Variants in UBQLN1 observed in about 807,000 individuals in gnomAD.
UBQLN1 encodes ubiquilin-1.
UBQLN1 carries 13 observed loss-of-function variants against 65.4 expected under a neutral mutation model. That is an observed-to-expected ratio of 0.20 (90% CI 0.13 to 0.32). The LOEUF (loss-of-function observed/expected upper bound fraction) is 0.32. Among genes scored for constraint, UBQLN1 ranks in the 10% least tolerant of loss-of-function variants. The pLI, the probability that UBQLN1 is intolerant of heterozygous loss-of-function variation, is 1.00. For synonymous variants in UBQLN1, 267 were observed against 247.8 expected, an observed-to-expected ratio of 1.08 and a Z score of -0.73; for missense variants, 561 against 724.0, an observed-to-expected ratio of 0.77 and a Z score of 2.58.
chr9:83,678,740 G>T, intron 4 of UBQLN1, 141 bp from the exon 5 acceptor site: 1 of 929,108 alleles, frequency 1.1e-6, no homozygotes, highest in Non-Finnish European at 1.6e-6. Flanking sequence ...TTTTTGAGAC[G>T]GAGTCTTGCT....
At chr9:83,670,609 G>A (rs1831713590) in intron 6 of UBQLN1, among the ~76,000 whole-genome samples, 1 of 152,178 alleles carries the variant, frequency 6.6e-6, no homozygotes, top group Non-Finnish European at 1.5e-5. Context: ...CAGTGAGTCA[G>A]CTGGTGGTCG....
At chr9:83,672,154 T>C (rs1407922217) in intron 6 of UBQLN1, among the ~76,000 whole-genome samples, 2 of 152,250 alleles carry the variant, frequency 1.3e-5, no homozygotes, top group African/African-American at 4.8e-5. Flanking sequence ...GATTAGGCTT[T>C]GGCTTAAGGG....
chr9:83,692,943 A>C (rs575474727), intron 1 of UBQLN1, among the ~76,000 whole-genome samples: 2 of 152,324 alleles, frequency 1.3e-5, no homozygotes, highest in East Asian at 3.9e-4. Flanking sequence ...TTTCCATTAA[A>C]AAGATTACCT....
Position 83,707,659 on chromosome 9 carries a change from G to A in UBQLN1, c.21C>T (p.Ser7=), listed in dbSNP as rs1832438712. Residue 7 remains serine (S), a synonymous_variant, in exon 1 of 11, where the codon AGC becomes AGT. Transcript: ENST00000376395. Reference sequence around the variant, plus strand: ...TATCCTGGGAGCCCGGAGGACCGCCGCTTTCACCACTCTCGGCCATGGCTG... The same window carrying A: ...TATCCTGGGAGCCCGGAGGACCGCCACTTTCACCACTCTCGGCCATGGCTG... MAESGE[S]GGPPGSQDSA... is the part of the protein sequence containing the mutation. The A allele has an allele frequency of 3.2e-6, 5 of 1,557,564 alleles. No homozygotes were observed. The highest frequency in any genetic ancestry group is 1.4e-5 in the African/African-American group (1 of 73,078).
intron 2 of UBQLN1, among the ~76,000 whole-genome samples, chr9:83,684,323 T>A (rs1373560257): frequency 6.6e-6 from 1 of 151,568 alleles, no homozygotes; most frequent in African/African-American, 2.4e-5. Context: ...GCCTCCCGAG[T>A]AGCTGGGACT....
intron 1 of UBQLN1, among the ~76,000 whole-genome samples, chr9:83,706,939 T>C (rs1832418797): frequency 6.6e-6 from 1 of 151,630 alleles, no homozygotes; most frequent in Admixed American, 6.5e-5. Context: ...AAACAGTTTC[T>C]ACGTCATAAT....
At chr9:83,695,700 T>G (rs1188243890) in intron 1 of UBQLN1, among the ~76,000 whole-genome samples, 1 of 152,168 alleles carries the variant, frequency 6.6e-6, no homozygotes, top group Admixed American at 6.6e-5. Context: ...TGTTGCCATA[T>G]CTACAGGACA....
At chr9:83,681,461 T>C (rs1011727975) in intron 3 of UBQLN1, among the ~76,000 whole-genome samples, 1 of 152,142 alleles carries the variant, frequency 6.6e-6, no homozygotes, top group Non-Finnish European at 1.5e-5. Flanking sequence ...GTAAAGAATA[T>C]TCACAGGATA....
intron 7 of UBQLN1, chr9:83,668,671 G>T: frequency 1.0e-6 from 1 of 976,312 alleles, no homozygotes; most frequent in Non-Finnish European, 1.2e-6. Flanking sequence ...ATTAATAAGG[G>T]ACCTGTATAC....
intron 6 of UBQLN1, among the ~76,000 whole-genome samples, chr9:83,676,460 T>C (rs1366625843): frequency 1.3e-5 from 2 of 152,186 alleles, no homozygotes; most frequent in Non-Finnish European, 2.9e-5. Flanking sequence ...TCTATACCCT[T>C]TAAAGTAAGA....
rs932193123 is a variant in UBQLN1 at position 83,685,541 on chromosome 9, G to A, written c.332+463C>T. Among the ~76,000 whole-genome samples, 6 of 150,776 alleles carry A rather than the reference G, an allele frequency of 4.0e-5. No individual in the cohort carries two copies. In the East Asian group the frequency reaches 5.8e-4, roughly 15 times the overall value. The stretch of plus-strand genomic sequence containing the variant: ...TGGTGCCAGCTGGACACTGTGGCAC[G>A]CACCTACAGTCCCAGGCTGACATGG... On this transcript the variant is annotated intron_variant, in intron 2 of 10. Coordinates refer to ENST00000376395, the MANE Select transcript of UBQLN1 (RefSeq NM_013438.5).
chr9:83,683,414 C>CAAAAAA (rs766459859), intron 2 of UBQLN1, among the ~76,000 whole-genome samples: 7 of 70,928 alleles, frequency 9.9e-5, no homozygotes, highest in Non-Finnish European at 1.8e-4. Context: ...GACTCCGTCT[C>CAAAAAA]AAAAAAAAAA....
At chr9:83,672,079 T>C (rs1246381686) in intron 6 of UBQLN1, among the ~76,000 whole-genome samples, 1 of 152,224 alleles carries the variant, frequency 6.6e-6, no homozygotes, top group Non-Finnish European at 1.5e-5. Context: ...CTTTCCAACT[T>C]TTCTTCTGCA....
intron 10 of UBQLN1, 65 bp from the exon 11 acceptor site, chr9:83,662,004 T>TA: frequency 1.4e-6 from 2 of 1,473,868 alleles, no homozygotes; most frequent in Non-Finnish European, 1.8e-6. Context: ...ACATGACTTT[T>TA]AAAATTTTTT....
At chr9:83,691,033 G>C (rs1266844699) in intron 1 of UBQLN1, among the ~76,000 whole-genome samples, 1 of 151,974 alleles carries the variant, frequency 6.6e-6, no homozygotes, top group East Asian at 1.9e-4. Flanking sequence ...AGCTACTCGG[G>C]AGGCTAAGGC....
intron 1 of UBQLN1, among the ~76,000 whole-genome samples, chr9:83,686,954 T>G (rs1832050634): frequency 6.6e-6 from 1 of 152,000 alleles, no homozygotes; most frequent in Non-Finnish European, 1.5e-5. Context: ...CTGAGACACT[T>G]CTGGTCCCAA....
intron 1 of UBQLN1, among the ~76,000 whole-genome samples, chr9:83,704,497 G>T (rs117431201): frequency 1.3e-5 from 2 of 150,420 alleles, no homozygotes; most frequent in Non-Finnish European, 3.0e-5. Context: ...ATCAGAAAAG[G>T]CTACTTCAGA....
At chr9:83,662,888 A>G (rs1831583239) in intron 10 of UBQLN1, among the ~76,000 whole-genome samples, 2 of 152,146 alleles carry the variant, frequency 1.3e-5, no homozygotes, top group South Asian at 4.1e-4. Flanking sequence ...CAACCTGGGC[A>G]ACACGGTTGA....
chr9:83,673,545 T>TAAAAAA (rs1564162390), intron 6 of UBQLN1, among the ~76,000 whole-genome samples: 1 of 67,992 alleles, frequency 1.5e-5, no homozygotes, highest in African/African-American at 7.3e-5. Flanking sequence ...ACTCGGTCTT[T>TAAAAAA]TAAAAAAAAA....
Sources: allele counts gnomAD v4.1 joint callset (sites outside exome capture counted in the v4.1 genomes callset), GRCh38; gene constraint gnomAD v4.1.1; transcripts MANE v1.5; gene names NCBI Gene and HGNC (gene_info 2026-07-23, HGNC 2026-07-21).